The following RAB14 variants were observed in gnomAD, a reference collection of about 807,000 sequenced individuals.
The protein encoded by RAB14 is ras-related protein Rab-14.
Under a neutral mutation model 31.1 loss-of-function variants are expected in RAB14, and 3 were observed. The observed-to-expected ratio is 0.10, with a 90% confidence interval of 0.04 to 0.25. The LOEUF is 0.25. Among genes scored for constraint, RAB14 ranks in the 10% least tolerant of loss-of-function variants. The pLI, the probability that RAB14 is intolerant of heterozygous loss-of-function variation, is 1.00. For missense variants in RAB14, 111 were observed against 260.1 expected (o/e 0.43, Z 3.94); for synonymous variants, 85 against 84.9 (o/e 1.00, Z 0.00).
rs1329850597 is a variant in RAB14, at chr9:121,180,495, G to A, written c.*901C>T. On this transcript the variant is annotated 3_prime_UTR_variant, in exon 8 of 8. Coordinates refer to ENST00000373840, the MANE Select transcript of RAB14 (RefSeq NM_016322.4). ...AATCTGCTAGTGTTAATCCTCTGAT[G>A]CTAGGAGCTCTTTCCAGCATAATGT... 1 of 152,662 alleles carries A rather than the reference G, an allele frequency of 6.6e-6. No individual in the cohort carries two copies. The highest frequency in any genetic ancestry group is 2.4e-5 in the African/African-American group (1 of 41,466). 9.5% of individuals were successfully genotyped at this position (152,662 alleles called of 1,614,324 possible). A position where few individuals can be genotyped will look rare whatever the true frequency, so the allele number is the denominator to read the frequency against.
At chr9:121,196,766 G>A (rs757589561) in intron 1 of RAB14, among the ~76,000 whole-genome samples, 5 of 152,102 alleles carry the variant, frequency 3.3e-5, no homozygotes, top group Non-Finnish European at 7.4e-5. Flanking sequence ...ACTGCAGTCA[G>A]AATTTATAGA....
chr9:121,195,326 A>T (rs1262232752), intron 1 of RAB14, among the ~76,000 whole-genome samples: 1 of 152,062 alleles, frequency 6.6e-6, no homozygotes, highest in Admixed American at 6.6e-5. Flanking sequence ...GTCACCTTCA[A>T]ATTACTGTCT....
chr9:121,191,244 A>C (rs2053684461), intron 3 of RAB14, among the ~76,000 whole-genome samples: 1 of 152,174 alleles, frequency 6.6e-6, no homozygotes, highest in Admixed American at 6.5e-5. Context: ...ATAACAGATC[A>C]ATCAATGGTC....
Position 121,178,600 on chromosome 9 carries a change from G to A in RAB14, c.*2796C>T, listed in dbSNP as rs1375477867. On this transcript the variant is annotated 3_prime_UTR_variant, in exon 8 of 8. Coordinates refer to ENST00000373840, the MANE Select transcript of RAB14 (RefSeq NM_016322.4). The stretch of plus-strand genomic sequence containing the variant: ...CTACTGTCTTACCGAATTTGAGAAG[G>A]GAGGTAATGTATGAAGCTTAACAGC... The A allele has an allele frequency of 6.6e-6, 1 of 152,516 alleles. No homozygotes were observed. Among genetic ancestry groups the A allele is most frequent in the Non-Finnish European group, 1.5e-5 (1 of 68,020 alleles). The allele number at this position is 152,516 out of a possible 1,614,324, so 9.4% of individuals were successfully genotyped here. A position where few individuals can be genotyped will look rare whatever the true frequency, so the allele number is the denominator to read the frequency against.
chr9:121,200,356 A>C (rs2053754251), intron 1 of RAB14, among the ~76,000 whole-genome samples: 1 of 152,258 alleles, frequency 6.6e-6, no homozygotes, highest in Admixed American at 6.5e-5. Flanking sequence ...TATTTACCTT[A>C]GAAAAATAAA....
rs2053619433 is a variant in RAB14 at position 121,179,249 on chromosome 9, G to C, written c.*2147C>G. On this transcript the variant is annotated 3_prime_UTR_variant, in exon 8 of 8. Transcript: ENST00000373840. ...TGATGACACGTCAAATTGTTCACCT[G>C]AAGAAAAACCCTATTATAGTTCAGA... The C allele has an allele frequency of 6.6e-6, 1 of 152,536 alleles. No homozygotes were observed. Among genetic ancestry groups the C allele is most frequent in the African/African-American group, 2.4e-5 (1 of 41,450 alleles). 9.4% of individuals were successfully genotyped at this position (152,536 alleles called of 1,614,324 possible).
At chr9:121,190,837 G>A in intron 3 of RAB14, 106 bp from the exon 4 acceptor site, 1 of 1,066,834 alleles carries the variant, frequency 9.4e-7, no homozygotes, top group Non-Finnish European at 1.3e-6. Flanking sequence ...AATACTTACA[G>A]GCTATAAATA....
intron 2 of RAB14, 23 bp from the exon 3 acceptor site, chr9:121,192,247 C>G: frequency 1.3e-6 from 2 of 1,561,658 alleles, no homozygotes; most frequent in Non-Finnish European, 1.7e-6. Flanking sequence ...AAAGAAGTTT[C>G]AGGTGGCAAT....
In RAB14 at chr9:121,201,851, C is replaced by T. The variant is rs1012967192; in HGVS notation, c.-220G>A. 2.6e-5 allele frequency: 4 copies of T among 152,470 alleles called. No individual in the cohort carries two copies. The highest frequency in any genetic ancestry group is 5.9e-5 in the Non-Finnish European group (4 of 68,252). 9.4% of individuals were successfully genotyped at this position (152,470 alleles called of 1,614,324 possible). On this transcript the variant is annotated 5_prime_UTR_variant, in exon 1 of 8. Coordinates refer to ENST00000373840, the MANE Select transcript of RAB14 (RefSeq NM_016322.4). ...TGCTCCTGTGCTCCCTCAGTATCTT[C>T]CTCGGGCTGGTCCAAGATGGCGGCG...
chr9:121,194,585 AATT>A (rs1032925453), intron 1 of RAB14, among the ~76,000 whole-genome samples: 8 of 152,154 alleles, frequency 5.3e-5, no homozygotes, highest in Non-Finnish European at 2.9e-5. Flanking sequence ...TTAAGACAAA[AATT>A]ATTTATACAT....
intron 1 of RAB14, among the ~76,000 whole-genome samples, chr9:121,200,113 G>A (rs562846019): frequency 8.5e-5 from 13 of 152,332 alleles, no homozygotes; most frequent in African/African-American, 3.1e-4. Flanking sequence ...ACTTGCTTAA[G>A]ATCACTTAAC....
intron 3 of RAB14, among the ~76,000 whole-genome samples, chr9:121,190,944 G>C (rs1326020268): frequency 6.6e-6 from 1 of 152,056 alleles, no homozygotes; most frequent in Non-Finnish European, 1.5e-5. Flanking sequence ...CAAACTTCTA[G>C]AAAGGACCAA....
intron 7 of RAB14, among the ~76,000 whole-genome samples, chr9:121,181,810 C>T (rs931513606): frequency 4.8e-5 from 7 of 145,682 alleles, no homozygotes; most frequent in South Asian, 2.3e-4. Flanking sequence ...TGCAGTGGCC[C>T]GATCTCAGCT....
rs567581968 is a variant in RAB14, at chr9:121,193,474, A to C, written c.-7-55T>G. Reference sequence around the variant, plus strand: ...GAAGGAAAGCATATACAAGTAATTCAAACGGATGACTGATATCCTTTAAAG... The same window carrying C: ...GAAGGAAAGCATATACAAGTAATTCCAACGGATGACTGATATCCTTTAAAG... On this transcript the variant is annotated intron_variant, in intron 1 of 7. Transcript: ENST00000373840. 1.8e-5 allele frequency: 21 copies of C among 1,171,996 alleles called. No individual in the cohort carries two copies. In the African/African-American group the frequency reaches 3.3e-4, roughly 19 times the overall value. 72.6% of individuals were successfully genotyped at this position (1,171,996 alleles called of 1,614,324 possible).
intron 1 of RAB14, among the ~76,000 whole-genome samples, chr9:121,194,090 T>TCTCACACACACACACA (rs762438919): frequency 1.4e-5 from 2 of 141,294 alleles, no homozygotes; most frequent in Admixed American, 6.9e-5. Context: ...TTGCAGATTA[T>TCTCACACACACACACA]CACTCACACA....
chr9:121,196,997 G>A (rs2053721017), intron 1 of RAB14, among the ~76,000 whole-genome samples: 2 of 152,126 alleles, frequency 1.3e-5, no homozygotes, highest in Admixed American at 1.3e-4. Flanking sequence ...TTTGGCCAAT[G>A]TTATAAAGTT....
intron 1 of RAB14, among the ~76,000 whole-genome samples, chr9:121,199,442 T>C (rs2053738897): frequency 6.6e-6 from 1 of 152,238 alleles, no homozygotes. Flanking sequence ...ATAAAAATGT[T>C]TCAAGCCTCT....
chr9:121,200,519 G>T (rs926839954), intron 1 of RAB14, among the ~76,000 whole-genome samples: 1 of 152,124 alleles, frequency 6.6e-6, no homozygotes, highest in Non-Finnish European at 1.5e-5. Flanking sequence ...CTGAAATCCT[G>T]GCATCTCTCC....
intron 7 of RAB14, 63 bp from the exon 8 acceptor site, chr9:121,181,636 C>A: frequency 7.4e-7 from 1 of 1,355,112 alleles, no homozygotes; most frequent in Non-Finnish European, 1.0e-6. Flanking sequence ...AAGACACTGA[C>A]CTTTTGCTAA....
Sources: gnomAD v4.1 joint callset for allele counts (sites outside exome capture counted in the v4.1 genomes callset) on GRCh38, gnomAD v4.1.1 for gene constraint, MANE v1.5 for transcripts, NCBI Gene and HGNC (gene_info 2026-07-23, HGNC 2026-07-21) for gene names.